DPP10: variants seen among roughly 807,000 people sequenced by gnomAD.
DPP10 encodes inactive dipeptidyl peptidase 10.
A neutral mutation model predicts 120.9 loss-of-function variants in DPP10; 33 were observed. That is an observed-to-expected ratio of 0.27 (90% CI 0.21 to 0.37). DPP10 has a LOEUF of 0.37. Ranked by LOEUF, DPP10 falls within the 10% of genes least tolerant of loss-of-function variation. DPP10 has a pLI of 1.00. For synonymous variants in DPP10, 337 were observed against 326.1 expected (o/e 1.03, Z -0.36); for missense variants, 816 against 942.8 (o/e 0.87, Z 1.76).
intron 1 of DPP10, among the ~76,000 whole-genome samples, chr2:114,480,876 A>AC (rs1361817821): frequency 1.3e-5 from 2 of 150,316 alleles, no homozygotes; most frequent in African/African-American, 2.5e-5. Flanking sequence ...TAAAAAGTAC[A>AC]CCCCCCAAAA....
At chr2:114,490,607 G>A (rs1250273565) in intron 1 of DPP10, among the ~76,000 whole-genome samples, 1 of 152,164 alleles carries the variant, frequency 6.6e-6, no homozygotes, top group Non-Finnish European at 1.5e-5. Context: ...GGCAAGATTT[G>A]AAGAATTGAT....
At chr2:115,005,897 C>T (rs1357409449) in intron 1 of DPP10, among the ~76,000 whole-genome samples, 5 of 152,072 alleles carry the variant, frequency 3.3e-5, no homozygotes, top group African/African-American at 1.2e-4. Flanking sequence ...AGAAGAGCAA[C>T]TCCAAGACAC....
At chr2:115,098,647 A>G (rs2048525327) in intron 1 of DPP10, among the ~76,000 whole-genome samples, 1 of 152,184 alleles carries the variant, frequency 6.6e-6, no homozygotes, top group South Asian at 2.1e-4. Flanking sequence ...CCCATCATTT[A>G]TCAAAACGTC....
At chr2:115,742,964 G>T (rs1024086672) in intron 9 of DPP10, among the ~76,000 whole-genome samples, 2 of 151,508 alleles carry the variant, frequency 1.3e-5, no homozygotes, top group African/African-American at 2.4e-5. Context: ...GCACAAAACA[G>T]ATGCACGGTT....
At chr2:114,997,119 A>G (rs1413033742) in intron 1 of DPP10, among the ~76,000 whole-genome samples, 2 of 152,020 alleles carry the variant, frequency 1.3e-5, no homozygotes, top group East Asian at 1.9e-4. Context: ...TTCCAATATA[A>G]AAAGGGCCTC....
At chr2:114,634,797 C>T (rs79034451) in intron 1 of DPP10, among the ~76,000 whole-genome samples, 1,770 of 151,842 alleles carry the variant, frequency 0.012, 72 homozygotes, top group African/African-American at 0.041. Context: ...TATAATAGTA[C>T]GACTCATACA....
intron 1 of DPP10, among the ~76,000 whole-genome samples, chr2:115,179,477 G>A (rs941088484): frequency 6.6e-6 from 1 of 151,996 alleles, no homozygotes; most frequent in Non-Finnish European, 1.5e-5. Context: ...GAAATGAGAG[G>A]CATTTCTTTA....
chr2:115,089,573 T>G (rs1164386944), intron 1 of DPP10, among the ~76,000 whole-genome samples: 2 of 152,202 alleles, frequency 1.3e-5, no homozygotes, highest in Non-Finnish European at 2.9e-5. Flanking sequence ...TAGCCACCAA[T>G]CATTTTTTCC....
At chr2:115,076,770 T>C (rs1215781137) in intron 1 of DPP10, among the ~76,000 whole-genome samples, 1 of 152,232 alleles carries the variant, frequency 6.6e-6, no homozygotes, top group Non-Finnish European at 1.5e-5. Flanking sequence ...TTAGATTGTT[T>C]ATAATGTTAA....
chr2:115,150,730 A>G (rs186567668), intron 1 of DPP10, among the ~76,000 whole-genome samples: 36 of 152,346 alleles, frequency 2.4e-4, no homozygotes, highest in African/African-American at 8.4e-4. Context: ...GACATGAGGT[A>G]TTGGACAATT....
At chr2:115,233,325 C>T (rs1480051187) in intron 1 of DPP10, among the ~76,000 whole-genome samples, 3 of 151,804 alleles carry the variant, frequency 2.0e-5, no homozygotes, top group East Asian at 3.9e-4. Context: ...GAAAGAAAAC[C>T]GTCTGATTTC....
chr2:115,819,943 G>A (rs1381739404), intron 21 of DPP10, among the ~76,000 whole-genome samples: 2 of 152,176 alleles, frequency 1.3e-5, no homozygotes, highest in Admixed American at 6.5e-5. Flanking sequence ...GTGGTGAGCC[G>A]AGATCGGACC....
rs561369623 is a variant in DPP10 at position 115,734,330 on chromosome 2, G to T, written c.698-5409G>T. Among the ~76,000 whole-genome samples, 3 of 152,148 alleles carry T rather than the reference G, an allele frequency of 2.0e-5. 1 individual carries two copies. Among genetic ancestry groups the T allele is most frequent in the African/African-American group, 7.2e-5 (3 of 41,520 alleles). On this transcript the variant is annotated intron_variant, in intron 8 of 25. Transcript: ENST00000410059. ...TAGAGTATTGATTTTAGCCAACGGG[G>T]TATCTTTGTATCTTCAAATCTCATA...
At chr2:114,507,568 A>AT (rs1420989892) in intron 1 of DPP10, among the ~76,000 whole-genome samples, 1 of 151,926 alleles carries the variant, frequency 6.6e-6, no homozygotes, top group Non-Finnish European at 1.5e-5. Flanking sequence ...GATTTTCCTG[A>AT]TTTTTTCTTT....
chr2:114,497,640 G>A (rs1454910572), intron 1 of DPP10, among the ~76,000 whole-genome samples: 2 of 152,098 alleles, frequency 1.3e-5, no homozygotes, highest in Admixed American at 6.5e-5. Flanking sequence ...CAACAGCCTT[G>A]TTAGAGAAGT....
chr2:115,609,020 G>A (rs984403842), intron 5 of DPP10, among the ~76,000 whole-genome samples: 1 of 151,942 alleles, frequency 6.6e-6, no homozygotes, highest in Non-Finnish European at 1.5e-5. Context: ...AACAATCTAT[G>A]AACAATAGAT....
At chr2:114,837,675 T>C (rs1211615282) in intron 1 of DPP10, among the ~76,000 whole-genome samples, 4 of 152,170 alleles carry the variant, frequency 2.6e-5, no homozygotes, top group Non-Finnish European at 5.9e-5. Flanking sequence ...ATCTATGCTG[T>C]AGTAACAAAC....
At chr2:115,638,431 C>T (rs891024968) in intron 5 of DPP10, among the ~76,000 whole-genome samples, 1 of 152,196 alleles carries the variant, frequency 6.6e-6, no homozygotes, top group Non-Finnish European at 1.5e-5. Context: ...GGCATTATCT[C>T]TAAGGCCGAA....
At chr2:115,291,602 A>T (rs2060657203) in intron 1 of DPP10, among the ~76,000 whole-genome samples, 1 of 152,068 alleles carries the variant, frequency 6.6e-6, no homozygotes, top group South Asian at 2.1e-4. Context: ...TTATTTACAC[A>T]TTTTTTTCAT....
Sources: allele counts gnomAD v4.1 joint callset (sites outside exome capture counted in the v4.1 genomes callset), GRCh38; gene constraint gnomAD v4.1.1; transcripts MANE v1.5; gene names NCBI Gene and HGNC (gene_info 2026-07-23, HGNC 2026-07-21).